Variants in DNAH3 observed in about 807,000 individuals in gnomAD.
The protein encoded by DNAH3 is dynein axonemal heavy chain 3.
Under a neutral mutation model 432.5 loss-of-function variants are expected in DNAH3, and 332 were observed. The ratio of observed to expected loss-of-function variants is 0.77; its 90% CI spans 0.70 to 0.84. The LOEUF (loss-of-function observed/expected upper bound fraction) is 0.84, where lower values mean the gene tolerates loss of function less well. Among genes scored for constraint, DNAH3 ranks in the 40% least tolerant of loss-of-function variants. The probability of loss-of-function intolerance (pLI) is 0.00; values close to 1 mark genes in which losing one functional copy is unlikely to be tolerated. For synonymous variants in DNAH3, 1,956 were observed against 1,900.2 expected, an observed-to-expected ratio of 1.03 and a Z score of -0.76; for missense variants, 4,861 against 5,114.0, an observed-to-expected ratio of 0.95 and a Z score of 1.51.
At chr16:20,984,271 T>C (rs1369832129) in intron 48 of DNAH3, among the ~76,000 whole-genome samples, 3 of 151,666 alleles carry the variant, frequency 2.0e-5, no homozygotes, top group Non-Finnish European at 4.4e-5. Context: ...ATGAAAAAAA[T>C]CAGCCTGGCT....
intron 53 of DNAH3, among the ~76,000 whole-genome samples, chr16:20,959,610 AACACACACACACACACACACACACACAC>A (rs55757849): frequency 5.1e-4 from 70 of 137,640 alleles, no homozygotes; most frequent in African/African-American, 1.8e-3. Context: ...TCTCTATTTA[AACACACACACACACACACACACACACAC>A]ACACACACAC....
chr16:21,016,963 G>C (rs186875773), intron 41 of DNAH3, among the ~76,000 whole-genome samples: 75 of 152,222 alleles, frequency 4.9e-4, no homozygotes, highest in Non-Finnish European at 4.6e-4. Context: ...CTAATTTATG[G>C]TGACAGAAAG....
intron 5 of DNAH3, 132 bp downstream of exon 6, chr16:21,140,404 G>C: frequency 1.1e-6 from 1 of 924,674 alleles, no homozygotes; most frequent in Non-Finnish European, 1.6e-6. Flanking sequence ...TCAGTAGCCT[G>C]TCTTGGGTCT....
intron 22 of DNAH3, 71 bp downstream of exon 22, chr16:21,070,639 A>C (rs2090747326): frequency 1.6e-5 from 15 of 924,446 alleles, no homozygotes; most frequent in Admixed American, 1.9e-5. Flanking sequence ...GAACGTGAAA[A>C]CCTTTCCCCT....
At position 21,098,481 on chromosome 16, in the gene DNAH3, A is replaced by G. The variant is rs1015811202; in HGVS notation, c.2520+135T>C. The G allele has an allele frequency of 2.1e-4, 179 of 853,926 alleles. 1 individual carries two copies. Among genetic ancestry groups the G allele is most frequent in the African/African-American group, 5.0e-4 (29 of 57,468 alleles). 52.9% of individuals were successfully genotyped at this position (853,926 alleles called of 1,614,324 possible). On this transcript the variant is annotated intron_variant, in intron 17 of 61. Transcript: ENST00000261383. ...AAAGAAAAGAAAAAAGAAAGTACCA[A>G]TGAAAGAACTGGCCAATGAGTTAAC... is the stretch of plus-strand genomic sequence containing the variant.
At chr16:21,036,219 A>G (rs959792211) in intron 35 of DNAH3, among the ~76,000 whole-genome samples, 3 of 152,072 alleles carry the variant, frequency 2.0e-5, no homozygotes, top group African/African-American at 7.2e-5. Flanking sequence ...TCAGCTACCC[A>G]GGAGGCTGAG....
At chr16:21,124,802 AC>A (rs1397900510) in intron 9 of DNAH3, among the ~76,000 whole-genome samples, 2 of 152,132 alleles carry the variant, frequency 1.3e-5, no homozygotes, top group East Asian at 3.9e-4. Context: ...GGCATCCGCC[AC>A]CATGCCAGGA....
chr16:21,132,551 GCCGCC>G (rs2092580921), intron 7 of DNAH3, among the ~76,000 whole-genome samples: 1 of 152,144 alleles, frequency 6.6e-6, no homozygotes, highest in African/African-American at 2.4e-5. Flanking sequence ...GGATTAGTAT[GCCGCC>G]ATAAAAAGGA....
At chr16:21,019,986 C>T in intron 40 of DNAH3, 117 bp from the exon 41 acceptor site, 1 of 1,149,428 alleles carries the variant, frequency 8.7e-7, no homozygotes, top group Non-Finnish European at 1.2e-6. Context: ...CTGATATTGG[C>T]AGAGTGCCTA....
intron 18 of DNAH3, among the ~76,000 whole-genome samples, chr16:21,095,015 A>G (rs2091638428): frequency 6.6e-6 from 1 of 152,104 alleles, no homozygotes; most frequent in Non-Finnish European, 1.5e-5. Flanking sequence ...CTTTTTCTTT[A>G]CAAATTACCC....
rs772381191 is a variant in DNAH3, at chr16:20,975,216, C to T, written c.8259+17G>A. ...TCGGCAGCACCAGTTCCCTCCCTTT[C>T]TTCTCAGTCTTTCTACCTTGATTCC... On this transcript the variant is annotated intron_variant, in intron 51 of 61. Transcript: ENST00000261383. 3.1e-6 allele frequency: 5 copies of T among 1,611,634 alleles called. No homozygotes were observed. The South Asian group carries it at 4.4e-5, about 14-fold the overall frequency.
At chr16:20,976,867 C>T (rs1226441745) in intron 50 of DNAH3, among the ~76,000 whole-genome samples, 1 of 152,234 alleles carries the variant, frequency 6.6e-6, no homozygotes, top group Non-Finnish European at 1.5e-5. Flanking sequence ...GTGTCTTGAT[C>T]TTGAACTTCC....
intron 1 of DNAH3, among the ~76,000 whole-genome samples, chr16:21,154,159 C>G (rs886129259): frequency 1.3e-5 from 2 of 152,228 alleles, no homozygotes; most frequent in Non-Finnish European, 2.9e-5. Context: ...ATCCCAGCAG[C>G]TGGGGAGGCC....
exon 53 of DNAH3, chr16:20,964,964 G>A (rs775629940): frequency 6.2e-7 from 1 of 1,614,136 alleles, no homozygotes. Flanking sequence ...TCTCCCCCAA[G>A]ACCACTGATC....
chr16:20,995,406 C>T (rs2086721518), intron 44 of DNAH3, among the ~76,000 whole-genome samples: 1 of 151,934 alleles, frequency 6.6e-6, no homozygotes, highest in African/African-American at 2.4e-5. Context: ...GCTGGGATAA[C>T]AGGTGTGCAT....
At chr16:20,991,350 C>T (rs1362785893) in intron 44 of DNAH3, among the ~76,000 whole-genome samples, 3 of 152,188 alleles carry the variant, frequency 2.0e-5, no homozygotes, top group South Asian at 2.1e-4. Flanking sequence ...ACAGCAACCT[C>T]CACCTCCCAG....
exon 9 of DNAH3, chr16:21,125,302 C>T: frequency 6.2e-7 from 1 of 1,613,452 alleles, no homozygotes; most frequent in Non-Finnish European, 8.5e-7. Flanking sequence ...GTCATAGTTG[C>T]TCTTGGGAGC....
At chr16:21,133,821 T>G (rs1246694527) in intron 7 of DNAH3, among the ~76,000 whole-genome samples, 2 of 152,248 alleles carry the variant, frequency 1.3e-5, no homozygotes. Context: ...TATTAGATAC[T>G]GTTCTAAGTG....
exon 47 of DNAH3, chr16:20,987,380 G>C: frequency 6.2e-7 from 1 of 1,614,152 alleles, no homozygotes; most frequent in Non-Finnish European, 8.5e-7. Flanking sequence ...TGTCCTCCTT[G>C]TCAATCAGAC....
Sources: gnomAD v4.1 joint callset for allele counts (sites outside exome capture counted in the v4.1 genomes callset) on GRCh38, gnomAD v4.1.1 for gene constraint, MANE v1.5 for transcripts, NCBI Gene and HGNC (gene_info 2026-07-23, HGNC 2026-07-21) for gene names.